ZNRF2: variants seen among roughly 807,000 people sequenced by gnomAD.
The protein encoded by ZNRF2 is zinc and ring finger 2.
ZNRF2 carries 16 observed loss-of-function variants against 20.4 expected under a neutral mutation model. The observed-to-expected ratio is 0.79, with a 90% CI of 0.53 to 1.19. The LOEUF is 1.19. Among genes scored for constraint, ZNRF2 ranks in the 50% most tolerant of loss-of-function variants. The pLI is 0.00. For missense variants in ZNRF2, 363 were observed against 332.4 expected, an observed-to-expected ratio of 1.09 and a Z score of -0.72; for synonymous variants, 178 against 144.9, an observed-to-expected ratio of 1.23 and a Z score of -1.64.
intron 2 of ZNRF2, among the ~76,000 whole-genome samples, chr7:30,334,691 T>A (rs1234142899): frequency 6.6e-6 from 1 of 152,212 alleles, no homozygotes; most frequent in Non-Finnish European, 1.5e-5. Context: ...CATGACAGTA[T>A]GAATCCTATA....
At chr7:30,340,242 T>C (rs180832638) in intron 2 of ZNRF2, among the ~76,000 whole-genome samples, 112 of 152,266 alleles carry the variant, frequency 7.4e-4, no homozygotes, top group Non-Finnish European at 1.1e-3. Context: ...CCTTTATTTC[T>C]TTCTCTTGCC....
At chr7:30,285,946 C>T (rs1246193099) in intron 1 of ZNRF2, 120 bp downstream of exon 1, 10 of 1,323,330 alleles carry the variant, frequency 7.6e-6, no homozygotes, top group Non-Finnish European at 9.6e-6. Flanking sequence ...GGGGCTGCCT[C>T]CCGGACCAGC....
intron 2 of ZNRF2, among the ~76,000 whole-genome samples, chr7:30,327,434 G>A (rs1266269488): frequency 6.6e-6 from 1 of 151,894 alleles, no homozygotes; most frequent in African/African-American, 2.4e-5. Context: ...TTTTGGTCAG[G>A]TTTGGATATT....
chr7:30,334,167 G>A (rs1799682350), intron 2 of ZNRF2, among the ~76,000 whole-genome samples: 1 of 152,074 alleles, frequency 6.6e-6, no homozygotes, highest in East Asian at 1.9e-4. Flanking sequence ...CGTGAATTTT[G>A]TTATATAATA....
chr7:30,330,537 C>G lies in ZNRF2; in HGVS notation c.565+6800C>G, dbSNP rs139195687. On this transcript the variant is annotated intron_variant, in intron 2 of 4. Transcript: ENST00000323037. ...CTTGATTCCAGTTTGCATATACAGC[C>G]TGCTAATCATCTGGGTTCCTGTCTA... Among the ~76,000 whole-genome samples the G allele has an allele frequency of 7.9e-3, 1,197 of 152,172 alleles. 5 individuals are homozygous for G. The highest frequency in any genetic ancestry group is 0.013 in the Non-Finnish European group (864 of 67,996).
intron 3 of ZNRF2, among the ~76,000 whole-genome samples, chr7:30,360,886 A>T (rs1007116162): frequency 3.7e-4 from 57 of 152,306 alleles, no homozygotes; most frequent in African/African-American, 1.3e-3. Flanking sequence ...GAGTAAGAAG[A>T]TGCCTAGAAA....
chr7:30,328,773 C>G (rs189443200), intron 2 of ZNRF2, among the ~76,000 whole-genome samples: 43 of 152,274 alleles, frequency 2.8e-4, no homozygotes, highest in Non-Finnish European at 5.3e-4. Flanking sequence ...TAGAAACTCT[C>G]AGGGATTGGG....
At chr7:30,307,340 T>TG (rs1230702945) in intron 1 of ZNRF2, among the ~76,000 whole-genome samples, 5 of 143,454 alleles carry the variant, frequency 3.5e-5, no homozygotes, top group African/African-American at 1.3e-4. Flanking sequence ...TTTTTTTTTT[T>TG]TTTTTTTTTT....
At chr7:30,297,592 G>A (rs1207132922) in intron 1 of ZNRF2, among the ~76,000 whole-genome samples, 1 of 152,066 alleles carries the variant, frequency 6.6e-6, no homozygotes, top group African/African-American at 2.4e-5. Flanking sequence ...CTGGCTTCTA[G>A]TGTTGCTGTT....
intron 2 of ZNRF2, among the ~76,000 whole-genome samples, chr7:30,326,616 T>C (rs1247456619): frequency 2.0e-5 from 3 of 152,216 alleles, no homozygotes; most frequent in African/African-American, 4.8e-5. Context: ...ATGTGTCTTA[T>C]AACACAAGGA....
intron 2 of ZNRF2, among the ~76,000 whole-genome samples, chr7:30,343,706 T>G (rs1799833420): frequency 6.6e-6 from 1 of 152,016 alleles, no homozygotes; most frequent in Non-Finnish European, 1.5e-5. Context: ...CATTTTCATT[T>G]CCTGAATATT....
intron 2 of ZNRF2, among the ~76,000 whole-genome samples, chr7:30,350,615 T>C (rs1053526941): frequency 1.3e-5 from 2 of 152,028 alleles, no homozygotes; most frequent in Non-Finnish European, 2.9e-5. Context: ...AAAGAATTAG[T>C]TAATGTTACG....
chr7:30,287,358 A>G (rs550473094), intron 1 of ZNRF2, among the ~76,000 whole-genome samples: 32 of 152,380 alleles, frequency 2.1e-4, no homozygotes, highest in African/African-American at 7.7e-4. Flanking sequence ...GCATTTAGCA[A>G]TTATTAGAAG....
intron 2 of ZNRF2, among the ~76,000 whole-genome samples, chr7:30,350,640 TAA>T (rs1333092307): frequency 6.6e-6 from 1 of 152,084 alleles, no homozygotes; most frequent in Non-Finnish European, 1.5e-5. Context: ...TTTATACGTA[TAA>T]GAGATAACTT....
chr7:30,323,734 A>G lies in ZNRF2; in HGVS notation c.562A>G (p.Asn188Asp). ...TTTAACAAAGCCACGAATAACCTATAATGGTAAGTCCAATGGTTTAAAATA... is the reference window on the plus strand; with the variant it reads ...TTTAACAAAGCCACGAATAACCTATGATGGTAAGTCCAATGGTTTAAAATA... ...MCLTKPRITY[N>D]EDVLSKDAGE... The change falls in exon 2 of 5, where the codon AAT becomes GAT. Residue 188 changes from asparagine to aspartate, a missense_variant. Physicochemically the swap from Asn to Asp is conservative, Grantham distance 23. Transcript: ENST00000323037. 6.4e-7 allele frequency: 1 copy of G among 1,563,128 alleles called. No individual in the cohort carries two copies. Among genetic ancestry groups the G allele is most frequent in the Non-Finnish European group, 8.7e-7 (1 of 1,150,320 alleles).
chr7:30,339,169 C>T (rs1799759367), intron 2 of ZNRF2, among the ~76,000 whole-genome samples: 1 of 151,886 alleles, frequency 6.6e-6, no homozygotes, highest in Admixed American at 6.6e-5. Context: ...GGATATTGGC[C>T]CTTTGTCAGA....
chr7:30,285,892 G>A (rs1055647962), intron 1 of ZNRF2, 66 bp downstream of exon 1: 11 of 1,369,108 alleles, frequency 8.0e-6, no homozygotes, highest in African/African-American at 1.5e-5. Context: ...CGTGGCCGCC[G>A]GCTATTTTTA....
chr7:30,356,866 C>T (rs556364612), intron 3 of ZNRF2, among the ~76,000 whole-genome samples: 8 of 151,996 alleles, frequency 5.3e-5, no homozygotes, highest in Non-Finnish European at 8.8e-5. Flanking sequence ...CCACCATGCC[C>T]GGCTAATTTT....
rs1006945369 is a variant in ZNRF2, at chr7:30,366,636, A to G, written c.*624A>G. The G allele has an allele frequency of 1.3e-5, 2 of 152,574 alleles. No homozygotes were observed. The highest frequency in any genetic ancestry group is 6.5e-5 in the Admixed American group (1 of 15,278). The allele number at this position is 152,574 out of a possible 1,614,324, so 9.5% of individuals were successfully genotyped here. The stretch of plus-strand genomic sequence containing the variant: ...GTGGAAAATAGACTTCTACATAGGA[A>G]AGCTAAAATATGTTAATATTTTTAA... On this transcript the variant is annotated 3_prime_UTR_variant, in exon 5 of 5. Coordinates refer to ENST00000323037, the MANE Select transcript of ZNRF2 (RefSeq NM_147128.4).
Sources: gnomAD v4.1 joint callset for allele counts (sites outside exome capture counted in the v4.1 genomes callset) on GRCh38, gnomAD v4.1.1 for gene constraint, MANE v1.5 for transcripts, NCBI Gene and HGNC (gene_info 2026-07-23, HGNC 2026-07-21) for gene names.